The following MAP3K5 variants were observed in gnomAD, a reference collection of about 807,000 sequenced individuals.
MAP3K5 encodes the protein ASK-1.
Under a neutral mutation model 158.7 loss-of-function variants are expected in MAP3K5, and 56 were observed. That is an observed-to-expected ratio of 0.35 (90% CI 0.28 to 0.44). MAP3K5 has a LOEUF of 0.44. MAP3K5 is among the 20% of genes least tolerant of loss of function. The pLI, the probability that MAP3K5 is intolerant of heterozygous loss-of-function variation, is 1.00. For missense variants in MAP3K5, 1,294 were observed against 1,674.8 expected (o/e 0.77, Z 3.97); for synonymous variants, 579 against 601.7 (o/e 0.96, Z 0.55).
chr6:136,697,259 T>C lies in MAP3K5; in HGVS notation c.935A>G (p.Asp312Gly). The C allele has an allele frequency of 6.2e-7, 1 of 1,613,678 alleles. No homozygotes were observed. ...RVDNIEVLTA[D>G]IVINLLLSYR... is the part of the protein sequence containing the mutation. Reference sequence around the variant, plus strand: ...GGAAAGTAACAGATTTATGACAATATCTGCTGTCAAGACTTCGATATTATC... The same window carrying C: ...GGAAAGTAACAGATTTATGACAATACCTGCTGTCAAGACTTCGATATTATC... Residue 312 changes from aspartate to glycine, a missense_variant, in exon 5 of 30, where the codon GAT (aspartate) becomes GGT (glycine). Transcript: ENST00000359015.
intron 7 of MAP3K5, among the ~76,000 whole-genome samples, chr6:136,681,444 G>A (rs1259348706): frequency 6.6e-6 from 1 of 152,074 alleles, no homozygotes; most frequent in East Asian, 1.9e-4. Context: ...GATCATCCTG[G>A]GCAACACAGT....
intron 9 of MAP3K5, among the ~76,000 whole-genome samples, chr6:136,656,803 G>A (rs1207639008): frequency 6.6e-6 from 1 of 152,080 alleles, no homozygotes; most frequent in Admixed American, 6.6e-5. Context: ...TGCAATTTTA[G>A]TAGAGATGGA....
At chr6:136,769,653 CAT>C (rs1784095463) in intron 1 of MAP3K5, among the ~76,000 whole-genome samples, 1 of 149,316 alleles carries the variant, frequency 6.7e-6, no homozygotes, top group African/African-American at 2.5e-5. Flanking sequence ...GGGCAGGCTC[CAT>C]ATCACATTCA....
At position 136,767,281 on chromosome 6, in the gene MAP3K5, T is replaced by C. The variant is rs539831876; in HGVS notation, c.448+24429A>G. ...CGGGAAAGAGGGAAGGAAGACAACA[T>C]AAAGGAGGGAAGGAGCAAAGAAATA... On this transcript the variant is annotated intron_variant, in intron 1 of 29. Coordinates refer to ENST00000359015, the MANE Select transcript of MAP3K5 (RefSeq NM_005923.4). 1.5e-4 allele frequency among the ~76,000 whole-genome samples: 21 copies of C among 141,934 alleles called. No individual in the cohort carries two copies. In the East Asian group the frequency reaches 3.7e-3, roughly 25 times the overall value. The allele number at this position is 141,934 out of a possible 152,430, so 93.1% of individuals were successfully genotyped here.
chr6:136,703,711 A>T (rs1225485048), intron 3 of MAP3K5, among the ~76,000 whole-genome samples: 1 of 152,256 alleles, frequency 6.6e-6, no homozygotes, highest in East Asian at 1.9e-4. Context: ...TATAATGGCA[A>T]CATTATTTAT....
At chr6:136,567,584 G>A in intron 26 of MAP3K5, 47 bp downstream of exon 26, 1 of 1,553,236 alleles carries the variant, frequency 6.4e-7, no homozygotes. Context: ...ATGCTCTTTA[G>A]TAAAAGTAAA....
chr6:136,587,814 G>A (rs1433174552), intron 23 of MAP3K5, among the ~76,000 whole-genome samples: 1 of 152,156 alleles, frequency 6.6e-6, no homozygotes, highest in African/African-American at 2.4e-5. Flanking sequence ...TGCTTTTAAG[G>A]TTTTCTTTCA....
At chr6:136,681,342 C>T (rs556972617) in intron 7 of MAP3K5, among the ~76,000 whole-genome samples, 2 of 152,268 alleles carry the variant, frequency 1.3e-5, no homozygotes, top group African/African-American at 2.4e-5. Flanking sequence ...ATAGTAAATA[C>T]TCTTATTCTG....
At chr6:136,682,366 G>A (rs760401410) in intron 7 of MAP3K5, among the ~76,000 whole-genome samples, 6 of 152,138 alleles carry the variant, frequency 3.9e-5, no homozygotes, top group Non-Finnish European at 5.9e-5. Flanking sequence ...AACATAACTC[G>A]AAGCCAAGAC....
At chr6:136,724,822 T>C (rs915825744) in intron 1 of MAP3K5, among the ~76,000 whole-genome samples, 17 of 152,204 alleles carry the variant, frequency 1.1e-4, no homozygotes, top group African/African-American at 4.1e-4. Context: ...TCTTTGTCTC[T>C]GATGTACAGT....
chr6:136,692,432 C>T (rs570957148), intron 7 of MAP3K5, among the ~76,000 whole-genome samples: 44 of 152,320 alleles, frequency 2.9e-4, no homozygotes, highest in African/African-American at 9.6e-4. Flanking sequence ...TGCTAGAGTT[C>T]TATCTGTCCT....
At chr6:136,768,554 G>C (rs1242143347) in intron 1 of MAP3K5, among the ~76,000 whole-genome samples, 1 of 152,206 alleles carries the variant, frequency 6.6e-6, no homozygotes, top group Non-Finnish European at 1.5e-5. Context: ...AAGCACTGGT[G>C]AAGATGTTGA....
At chr6:136,623,641 G>A (rs78994374) in intron 14 of MAP3K5, among the ~76,000 whole-genome samples, 1,791 of 152,288 alleles carry the variant, frequency 0.012, 19 homozygotes, top group South Asian at 0.015. Flanking sequence ...CGGATCTACA[G>A]AAAGGATTCA....
At chr6:136,634,575 T>C (rs1355870167) in intron 14 of MAP3K5, among the ~76,000 whole-genome samples, 3 of 150,812 alleles carry the variant, frequency 2.0e-5, no homozygotes, top group Non-Finnish European at 2.9e-5. Flanking sequence ...GTTTTTCTTA[T>C]GTTTTTCTTT....
chr6:136,562,728 T>A (rs1554277090), intron 26 of MAP3K5, 113 bp from the exon 27 acceptor site: 3 of 537,988 alleles, frequency 5.6e-6, no homozygotes, highest in Non-Finnish European at 9.7e-6. Context: ...CTGAGTGTAG[T>A]GGCCCAATTA....
At chr6:136,743,281 T>C (rs1332674918) in intron 1 of MAP3K5, among the ~76,000 whole-genome samples, 1 of 151,972 alleles carries the variant, frequency 6.6e-6, no homozygotes, top group East Asian at 1.9e-4. Flanking sequence ...AAACCCCGTG[T>C]CTACTAAAAA....
rs1465048009 is a variant in MAP3K5 at position 136,567,472 on chromosome 6, C to CA, written c.3761+158dup. Among the ~76,000 whole-genome samples, 3 of 152,172 alleles carry CA rather than the reference C, an allele frequency of 2.0e-5. No homozygotes were observed. In the East Asian group the frequency reaches 5.8e-4, roughly 29 times the overall value. On this transcript the variant is annotated intron_variant, in intron 26 of 29. Coordinates refer to ENST00000359015, the MANE Select transcript of MAP3K5 (RefSeq NM_005923.4). The stretch of plus-strand genomic sequence containing the variant: ...GGTAGAGGCAGAAAGTGGTATTTGA[C>CA]AAAAGAGGCTAAACTAAACTTCTCT...
intron 15 of MAP3K5, among the ~76,000 whole-genome samples, chr6:136,622,393 A>G (rs1485819948): frequency 1.3e-5 from 2 of 152,070 alleles, no homozygotes; most frequent in Middle Eastern, 3.2e-3. Context: ...AGTCTCTCCA[A>G]TTTCAGGGGC....
At chr6:136,563,742 G>A (rs1189398584) in intron 26 of MAP3K5, among the ~76,000 whole-genome samples, 1 of 152,152 alleles carries the variant, frequency 6.6e-6, no homozygotes. Flanking sequence ...TATGAAAAGA[G>A]GTGCTCTAAT....
Sources: allele counts gnomAD v4.1 joint callset (sites outside exome capture counted in the v4.1 genomes callset), GRCh38; gene constraint gnomAD v4.1.1; transcripts MANE v1.5; gene names NCBI Gene and HGNC (gene_info 2026-07-23, HGNC 2026-07-21).